Variants in DYSF observed in about 807,000 individuals in gnomAD.
The protein encoded by DYSF is dysferlin.
Under a neutral mutation model 274.9 loss-of-function variants are expected in DYSF, and 212 were observed. The observed-to-expected ratio is 0.77, with a 90% CI of 0.69 to 0.86. The LOEUF is 0.86. DYSF is among the 40% of genes least tolerant of loss of function. The pLI is 0.00. For missense variants in DYSF, 2,666 were observed against 2,783.2 expected, an observed-to-expected ratio of 0.96 and a Z score of 0.95; for synonymous variants, 1,091 against 1,078.7, an observed-to-expected ratio of 1.01 and a Z score of -0.22.
At chr2:71,644,509 G>T (rs2152925220) in intron 42 of DYSF, among the ~76,000 whole-genome samples, 1 of 152,246 alleles carries the variant, frequency 6.6e-6, no homozygotes, top group South Asian at 2.1e-4. Flanking sequence ...CTTTTCTATA[G>T]TAGAAAATTT....
intron 4 of DYSF, among the ~76,000 whole-genome samples, chr2:71,511,149 C>T (rs989595658): frequency 3.3e-5 from 5 of 152,186 alleles, no homozygotes; most frequent in Admixed American, 1.3e-4. Context: ...ATGGGCAACC[C>T]GACCTCGCCT....
At chr2:71,662,293 A>G (rs963042389) in intron 45 of DYSF, among the ~76,000 whole-genome samples, 1 of 152,118 alleles carries the variant, frequency 6.6e-6, no homozygotes, top group Non-Finnish European at 1.5e-5. Flanking sequence ...TTCTGCTCAC[A>G]TTGAGCTCAG....
intron 32 of DYSF, among the ~76,000 whole-genome samples, chr2:71,594,492 G>A (rs2093353241): frequency 6.6e-6 from 1 of 152,148 alleles, no homozygotes; most frequent in East Asian, 1.9e-4. Context: ...GCACTCATTA[G>A]CTCCCCAGAA....
chr2:71,482,245 G>C (rs551241278), intron 3 of DYSF, among the ~76,000 whole-genome samples: 75 of 152,306 alleles, frequency 4.9e-4, no homozygotes, highest in Non-Finnish European at 7.1e-4. Flanking sequence ...GTGTGCCCCA[G>C]GGAGCAGGAA....
At chr2:71,551,832 C>A in intron 19 of DYSF, 112 bp downstream of exon 19, 2 of 826,640 alleles carry the variant, frequency 2.4e-6, no homozygotes, top group South Asian at 3.2e-5. Flanking sequence ...TCTGCCCACA[C>A]GCATCGTGCC....
Position 71,503,272 on chromosome 2 carries a change from G to A in DYSF, c.298G>A (p.Ala100Thr), listed in dbSNP as rs751980650. Reference sequence around the variant, plus strand: ...GGTCCTCGCCACCCCTAGTCTGTCCGCCAGCTTCAATGCCCCCCTGCTGGA... The same window carrying A: ...GGTCCTCGCCACCCCTAGTCTGTCCACCAGCTTCAATGCCCCCCTGCTGGA... ...REVLATPSLS[A>T]SFNAPLLDTK... The change falls in exon 4 of 56, where the codon GCC (alanine) becomes ACC (threonine). Residue 100 changes from alanine to threonine, a missense_variant. Ala to Thr is a moderately conservative substitution (Grantham distance 58). Transcript: ENST00000410020. 24 of 1,613,938 alleles carry A rather than the reference G, an allele frequency of 1.5e-5. No homozygotes were observed. The highest frequency in any genetic ancestry group is 8.3e-5 in the Admixed American group (5 of 59,994).
intron 24 of DYSF, among the ~76,000 whole-genome samples, chr2:71,567,373 A>G (rs757141738): frequency 7.2e-5 from 11 of 152,230 alleles, no homozygotes; most frequent in Non-Finnish European, 1.3e-4. Context: ...CCAGATCTGT[A>G]TCATTGTATC....
intron 3 of DYSF, among the ~76,000 whole-genome samples, chr2:71,501,581 T>G (rs1260043101): frequency 6.6e-6 from 1 of 152,148 alleles, no homozygotes; most frequent in East Asian, 1.9e-4. Context: ...AATCCTCACT[T>G]CCTCCTCCCC....
At chr2:71,647,096 TA>T (rs2094578867) in intron 42 of DYSF, among the ~76,000 whole-genome samples, 1 of 152,134 alleles carries the variant, frequency 6.6e-6, no homozygotes. Flanking sequence ...TCACACTTGA[TA>T]AAAGCACAAA....
In DYSF at chr2:71,643,909, A is replaced by G. The variant is rs84181; in HGVS notation, c.4528-56A>G. The G allele has an allele frequency of 0.87, 1,220,734 of 1,408,858 alleles. 530,037 individuals carry two copies. Among genetic ancestry groups the G allele is most frequent in the Middle Eastern group, 0.91 (5,169 of 5,702 alleles). 87.3% of individuals were successfully genotyped at this position (1,408,858 alleles called of 1,614,324 possible). On this transcript the variant is annotated intron_variant, in intron 41 of 55. Coordinates refer to ENST00000410020, the MANE Select transcript of DYSF (RefSeq NM_001130987.2). ...GGAGGGAGGGTTTCCAACTCTGAAG[A>G]ATGCTGCTTGGCGAGTCCTGTTTCT...
chr2:71,466,483 C>A (rs913658238), upstream of DYSF, among the ~76,000 whole-genome samples: 12 of 152,184 alleles, frequency 7.9e-5, no homozygotes, highest in Non-Finnish European at 1.5e-4. Flanking sequence ...TGTGCGCTCT[C>A]GGAGGCCGAG....
intron 30 of DYSF, among the ~76,000 whole-genome samples, chr2:71,575,001 C>A (rs187742877): frequency 1.0e-3 from 158 of 152,340 alleles, no homozygotes; most frequent in African/African-American, 3.4e-3. Flanking sequence ...AGTCCCCACT[C>A]TGCTGCTCTG....
chr2:71,467,844 T>C (rs1424256590), intron 1 of DYSF, among the ~76,000 whole-genome samples: 1 of 152,110 alleles, frequency 6.6e-6, no homozygotes, highest in Non-Finnish European at 1.5e-5. Flanking sequence ...GAAAAGATAG[T>C]CAAATGAAGA....
At chr2:71,622,905 G>A (rs114145300) in intron 41 of DYSF, among the ~76,000 whole-genome samples, 1,941 of 152,226 alleles carry the variant, frequency 0.013, 45 homozygotes, top group African/African-American at 0.043. Context: ...GTGAGCCACC[G>A]CACCTAGCTG....
chr2:71,547,751 A>G (rs2090595839), intron 17 of DYSF, among the ~76,000 whole-genome samples: 3 of 152,318 alleles, frequency 2.0e-5, no homozygotes, highest in Middle Eastern at 6.8e-3. Flanking sequence ...CACCAGAGCC[A>G]TGTGTTGGTC....
In DYSF at chr2:71,601,625, C is replaced by T. The variant is rs75726258; in HGVS notation, c.3927+97C>T. The stretch of plus-strand genomic sequence containing the variant: ...TAGGAAGGGTGGCCAGGCATTACCG[C>T]GATCCTGCCTCAAGCCCCCGGGGAA... On this transcript the variant is annotated intron_variant, in intron 35 of 55. Transcript: ENST00000410020. The T allele has an allele frequency of 0.035, 54,112 of 1,526,264 alleles. 1,534 individuals are homozygous for T. The highest frequency in any genetic ancestry group is 0.13 in the African/African-American group (9,537 of 73,158). The allele number at this position is 1,526,264 out of a possible 1,614,324, so 94.5% of individuals were successfully genotyped here.
intron 13 of DYSF, 108 bp downstream of exon 13, chr2:71,526,454 C>A: frequency 2.1e-6 from 3 of 1,456,800 alleles, no homozygotes; most frequent in Non-Finnish European, 2.8e-6. Context: ...GAAGGAGAGG[C>A]GTCTAGGAAA....
intron 17 of DYSF, chr2:71,549,540 G>A (rs1007219398): frequency 1.3e-6 from 1 of 744,000 alleles, no homozygotes; most frequent in South Asian, 1.7e-5. Context: ...ACTTACCTTT[G>A]CTGTCACCTC....
chr2:71,611,523 C>T lies in DYSF; in HGVS notation c.4118C>T (p.Pro1373Leu), dbSNP rs1181440492. Reference sequence around the variant, plus strand: ...TACCAGCTGGCCAACATCTCCTCCCCCAGCCTCGTGGTAGAGTGTGGGGGC... The same window carrying T: ...TACCAGCTGGCCAACATCTCCTCCCTCAGCCTCGTGGTAGAGTGTGGGGGC... ...KSYQLANISS[P>L]SLVVECGGQT... Residue 1373 changes from proline (P) to leucine (L), a missense_variant, in exon 38 of 56, where the codon CCC becomes CTC. Physicochemically the swap from Pro to Leu is moderately conservative, Grantham distance 98 (BLOSUM62 -3). Around this residue, in one of 3 missense-constraint regions of DYSF, gnomAD observed 1,460 missense variants for 1,502.1 expected, o/e 0.97. Coordinates refer to ENST00000410020, the MANE Select transcript of DYSF (RefSeq NM_001130987.2). The T allele has an allele frequency of 6.2e-7, 1 of 1,614,092 alleles. No individual in the cohort carries two copies. The highest frequency in any genetic ancestry group is 8.5e-7 in the Non-Finnish European group (1 of 1,180,050).
Sources: gnomAD v4.1 joint callset for allele counts (sites outside exome capture counted in the v4.1 genomes callset) on GRCh38, gnomAD v4.1.1 for gene constraint, gnomAD v4.1.1 regional missense constraint, MANE v1.5 for transcripts, NCBI Gene and HGNC (gene_info 2026-07-23, HGNC 2026-07-21) for gene names.